MTFR1: variants seen among roughly 807,000 people sequenced by gnomAD.
The protein encoded by MTFR1 is mitochondrial fission regulator 1, also known as chondrocyte protein with a poly-proline region.
Under a neutral mutation model 38.8 loss-of-function variants are expected in MTFR1, and 28 were observed. The observed-to-expected ratio is 0.72, with a 90% confidence interval of 0.53 to 0.99. The LOEUF (loss-of-function observed/expected upper bound fraction) is 0.99. Ranked by LOEUF, MTFR1 falls within the 50% of genes least tolerant of loss-of-function variation. The pLI is 0.00. For missense variants in MTFR1, 358 were observed against 395.5 expected (o/e 0.91, Z 0.81); for synonymous variants, 145 against 137.0 (o/e 1.06, Z -0.41).
intron 4 of MTFR1, among the ~76,000 whole-genome samples, chr8:65,700,120 G>A (rs1050965344): frequency 1.3e-5 from 2 of 151,914 alleles, no homozygotes; most frequent in Non-Finnish European, 1.5e-5. Flanking sequence ...GGAGGTCGAG[G>A]TGGGTGGGTT....
At chr8:65,749,902 A>G (rs10088623) in intron 3 of MTFR1, among the ~76,000 whole-genome samples, 26,916 of 152,224 alleles carry the variant, frequency 0.18, 3,114 homozygotes, top group East Asian at 0.52. Context: ...TCAGATGAAG[A>G]TATGGACAGA....
chr8:65,764,960 C>T (rs544098207), intron 3 of MTFR1, among the ~76,000 whole-genome samples: 3 of 152,290 alleles, frequency 2.0e-5, no homozygotes, highest in African/African-American at 7.2e-5. Flanking sequence ...GAACTACAAA[C>T]AGGCCCCTGT....
chr8:65,645,155 T>C (rs1463983946), intron 1 of MTFR1, among the ~76,000 whole-genome samples: 1 of 152,168 alleles, frequency 6.6e-6, no homozygotes, highest in Non-Finnish European at 1.5e-5. Context: ...GCGGCGGTCC[T>C]GGGGAGACCG....
At chr8:65,663,529 T>TA (rs377759904) in intron 1 of MTFR1, among the ~76,000 whole-genome samples, 15,671 of 123,190 alleles carry the variant, frequency 0.13, 1,743 homozygotes, top group East Asian at 0.57. Flanking sequence ...ATGATCAATT[T>TA]AAAAAAAAAA....
intron 3 of MTFR1, among the ~76,000 whole-genome samples, chr8:65,763,194 A>ATCTAAGTTT (rs1222771294): frequency 6.6e-6 from 1 of 152,214 alleles, no homozygotes; most frequent in Admixed American, 6.5e-5. Context: ...TATAACATTG[A>ATCTAAGTTT]TCTAAGTTTT....
chr8:65,655,138 C>G (rs1809220785), intron 1 of MTFR1, among the ~76,000 whole-genome samples: 1 of 152,162 alleles, frequency 6.6e-6, no homozygotes, highest in African/African-American at 2.4e-5. Flanking sequence ...TTAAAATATT[C>G]TGTGTCAATC....
intron 1 of MTFR1, among the ~76,000 whole-genome samples, chr8:65,655,491 A>T (rs1360063732): frequency 6.6e-6 from 1 of 152,328 alleles, no homozygotes; most frequent in African/African-American, 2.4e-5. Flanking sequence ...TGCATGAGCC[A>T]TATGGAATAT....
chr8:65,738,669 G>A (rs1430638082), intron 3 of MTFR1, among the ~76,000 whole-genome samples: 4 of 152,054 alleles, frequency 2.6e-5, no homozygotes, highest in East Asian at 1.9e-4. Flanking sequence ...GTGGCCTCAC[G>A]TGATCCACCC....
intron 4 of MTFR1, among the ~76,000 whole-genome samples, chr8:65,698,150 TTTTC>T (rs1167462895): frequency 1.3e-4 from 20 of 148,628 alleles, no homozygotes; most frequent in Non-Finnish European, 5.9e-5. Context: ...TGATTTTTTT[TTTTC>T]TTTTTTTTTT....
chr8:65,686,009 G>A (rs1805061309), intron 3 of MTFR1, among the ~76,000 whole-genome samples: 1 of 152,174 alleles, frequency 6.6e-6, no homozygotes, highest in South Asian at 2.1e-4. Flanking sequence ...GTTCCAGTCA[G>A]TCAGGAACTA....
At chr8:65,766,508 T>C (rs962576992) in intron 3 of MTFR1, among the ~76,000 whole-genome samples, 3 of 152,144 alleles carry the variant, frequency 2.0e-5, no homozygotes, top group African/African-American at 4.8e-5. Context: ...GACGCTGCCA[T>C]AGTAAAAAAT....
intron 3 of MTFR1, among the ~76,000 whole-genome samples, chr8:65,692,071 C>T (rs1022547704): frequency 6.6e-6 from 1 of 152,112 alleles, no homozygotes; most frequent in Non-Finnish European, 1.5e-5. Flanking sequence ...ATGCATGAGT[C>T]CCAAGGGTAA....
chr8:65,775,873 C>CCT (rs993485425), downstream of MTFR1, among the ~76,000 whole-genome samples: 1 of 152,206 alleles, frequency 6.6e-6, no homozygotes, highest in Non-Finnish European at 1.5e-5. Flanking sequence ...AGGTGATCCA[C>CCT]CTGCCTCGGC....
At chr8:65,736,787 T>A (rs769773147) in intron 3 of MTFR1, among the ~76,000 whole-genome samples, 11 of 114,200 alleles carry the variant, frequency 9.6e-5, no homozygotes, top group Middle Eastern at 9.3e-3. Flanking sequence ...AATAAATTTA[T>A]CTGTTTTTTT....
At chr8:65,681,620 A>T (rs1372985479) in intron 2 of MTFR1, among the ~76,000 whole-genome samples, 2 of 151,490 alleles carry the variant, frequency 1.3e-5, no homozygotes, top group Non-Finnish European at 2.9e-5. Flanking sequence ...TTCAAGGTAC[A>T]ATTTATAATG....
intron 3 of MTFR1, among the ~76,000 whole-genome samples, chr8:65,767,045 CCACTA>C (rs1808824097): frequency 6.6e-6 from 1 of 152,130 alleles, no homozygotes; most frequent in South Asian, 2.1e-4. Flanking sequence ...AACGCCTGGA[CCACTA>C]CATCCAACTG....
Position 65,754,710 on chromosome 8 carries a change from T to A in MTFR1, c.*49-16237T>A, listed in dbSNP as rs555567745. Among the ~76,000 whole-genome samples the A allele has an allele frequency of 2.0e-5, 3 of 148,248 alleles. No homozygotes were observed. In the South Asian group the frequency reaches 7.0e-4, roughly 34 times the overall value. On this transcript the variant is annotated intron_variant, in intron 3 of 3. Coordinates refer to the MTFR1 transcript ENST00000521247. ...GGCTGGGCACAGTGGCTCACGCCTG[T>A]AATCCCAGCACTTTGGGAGGCTGAG...
intron 3 of MTFR1, chr8:65,724,767 C>G (rs1806539294): frequency 1.3e-6 from 2 of 1,594,248 alleles, no homozygotes; most frequent in African/African-American, 2.7e-5. Context: ...GTTTCCAAGC[C>G]CCATTTTACC....
chr8:65,683,132 C>CT (rs748824241), intron 3 of MTFR1, among the ~76,000 whole-genome samples: 6,667 of 121,646 alleles, frequency 0.055, 317 homozygotes, highest in African/African-American at 0.11. Context: ...TTCTTTCTTT[C>CT]TTTTTTTTTT....
Sources: allele counts gnomAD v4.1 joint callset (sites outside exome capture counted in the v4.1 genomes callset), GRCh38; gene constraint gnomAD v4.1.1; transcripts MANE v1.5; gene names NCBI Gene and HGNC (gene_info 2026-07-23, HGNC 2026-07-21).